The following DFFA variants were observed in gnomAD, a reference collection of about 807,000 sequenced individuals.
DFFA encodes DNA fragmentation factor subunit alpha.
Under a neutral mutation model 28.0 loss-of-function variants are expected in DFFA, and 14 were observed. The observed-to-expected ratio is 0.50, with a 90% CI of 0.33 to 0.78. The LOEUF (loss-of-function observed/expected upper bound fraction) is 0.78, where lower values mean the gene tolerates loss of function less well. DFFA is among the 30% of genes least tolerant of loss of function. The pLI is 0.02. For missense variants in DFFA, 395 were observed against 407.1 expected (o/e 0.97, Z 0.26); for synonymous variants, 158 against 170.3 (o/e 0.93, Z 0.56).
intron 4 of DFFA, 63 bp downstream of exon 4, chr1:10,463,368 T>C: frequency 6.4e-7 from 1 of 1,561,864 alleles, no homozygotes; most frequent in Non-Finnish European, 8.7e-7. Context: ...AATAGTGTCC[T>C]CCCAAGGGAC....
chr1:10,469,161 G>A lies in DFFA; in HGVS notation c.298+16C>T, dbSNP rs1244799125. On this transcript the variant is annotated intron_variant, in intron 2 of 5. Transcript: ENST00000377038. ...GTACTGCATAGGCCGTTTTATACATGGCTAGAGTTTCTTACCTGAATTGTT... is the reference window on the plus strand; with the variant it reads ...GTACTGCATAGGCCGTTTTATACATAGCTAGAGTTTCTTACCTGAATTGTT... 6.2e-7 allele frequency: 1 copy of A among 1,613,424 alleles called. No homozygotes were observed. The highest frequency in any genetic ancestry group is 8.5e-7 in the Non-Finnish European group (1 of 1,179,626).
rs751053547 is a variant in DFFA, at chr1:10,469,229, A to G, written c.246T>C (p.Asn82=). The G allele has an allele frequency of 2.5e-6, 4 of 1,614,186 alleles. No homozygotes were observed. Among genetic ancestry groups the G allele is most frequent in the African/African-American group, 1.3e-5 (1 of 75,050 alleles). The change falls in exon 2 of 6, where the codon AAT becomes AAC. Residue 82 remains asparagine (N), a synonymous_variant. Coordinates refer to ENST00000377038, the MANE Select transcript of DFFA (RefSeq NM_004401.3). Reference sequence around the variant, plus strand: ...TACTAGCCAATGCCACAAACTTAGTATTGGAAGGTAGACACAGAAAGTAAT... The same window carrying G: ...TACTAGCCAATGCCACAAACTTAGTGTTGGAAGGTAGACACAGAAAGTAAT... ...DDDYFLCLPS[N]TKFVALASNE...
At position 10,461,054 on chromosome 1, in the gene DFFA, G is replaced by T. The variant is rs189424960; in HGVS notation, c.*436C>A. On this transcript the variant is annotated 3_prime_UTR_variant, in exon 6 of 6. Coordinates refer to ENST00000377038, the MANE Select transcript of DFFA (RefSeq NM_004401.3). ...CTCCCAAGTAGCTGGGATTACAGGC[G>T]CCCGCCACCATGGCTGGCTAATTTT... The T allele has an allele frequency of 0.011, 1,788 of 156,514 alleles. 30 individuals carry two copies. Among genetic ancestry groups the T allele is most frequent in the African/African-American group, 0.04 (1,664 of 41,374 alleles). The allele number at this position is 156,514 out of a possible 1,614,324, so 9.7% of individuals were successfully genotyped here. A position where few individuals can be genotyped will look rare whatever the true frequency, so the allele number is the denominator to read the frequency against.
rs1376144524 is a variant in DFFA at position 10,459,297 on chromosome 1, C to G, written c.*2193G>C. 6.6e-6 allele frequency: 1 copy of G among 152,178 alleles called. No homozygotes were observed. The highest frequency in any genetic ancestry group is 1.5e-5 in the Non-Finnish European group (1 of 68,040). 9.4% of individuals were successfully genotyped at this position (152,178 alleles called of 1,614,324 possible). On this transcript the variant is annotated 3_prime_UTR_variant, in exon 6 of 6. Coordinates refer to ENST00000377038, the MANE Select transcript of DFFA (RefSeq NM_004401.3). ...CTGCAAGGAGTGTACTGTAGATTAC[C>G]AAACCTGCAGAAGCCGTCTGTGTGG...
chr1:10,471,995 G>A (rs1423127680), intron 1 of DFFA, among the ~76,000 whole-genome samples: 2 of 152,148 alleles, frequency 1.3e-5, no homozygotes, highest in African/African-American at 4.8e-5. Flanking sequence ...TGTACCATCT[G>A]AGTGTGGCGG....
chr1:10,467,474 G>T, intron 2 of DFFA, 142 bp from the exon 3 acceptor site: 2 of 905,760 alleles, frequency 2.2e-6, no homozygotes, highest in Non-Finnish European at 3.5e-6. Flanking sequence ...TCACAGGAGG[G>T]TCAATATCCA....
At chr1:10,463,339 T>C (rs1640976578) in intron 4 of DFFA, 92 bp downstream of exon 4, 4 of 1,538,396 alleles carry the variant, frequency 2.6e-6, no homozygotes, top group Middle Eastern at 2.3e-4. Context: ...GCGGCTTCAG[T>C]GGCCCTGGCT....
Position 10,469,237 on chromosome 1 carries a change from G to A in DFFA, c.238C>T (p.Pro80Ser). 6.2e-7 allele frequency: 1 copy of A among 1,614,198 alleles called. No individual in the cohort carries two copies. The highest frequency in any genetic ancestry group is 1.7e-5 in the Admixed American group (1 of 60,020). ...VDDDDYFLCL[P>S]SNTKFVALAS... ...AATGCCACAAACTTAGTATTGGAAG[G>A]TAGACACAGAAAGTAATCGTCATCA... Residue 80 changes from proline to serine, a missense_variant, in exon 2 of 6, where the codon CCT becomes TCT. Coordinates refer to ENST00000377038, the MANE Select transcript of DFFA (RefSeq NM_004401.3).
rs1326083532 is a variant in DFFA at position 10,461,682 on chromosome 1, G to T, written c.804C>A (p.Pro268=). The change falls in exon 6 of 6, where the codon CCC becomes CCA. Residue 268 remains proline, a synonymous_variant. Transcript: ENST00000377038. The part of the protein sequence containing the change: ...QDLELVTKED[P]KALAVALNWD... ...AGTTCAAGGCAACAGCCAGTGCTTT[G>T]GGGTCTTCCTTGGTAACCAACTGCA... is the stretch of plus-strand genomic sequence containing the variant. The T allele has an allele frequency of 6.2e-7, 1 of 1,614,200 alleles. No homozygotes were observed. The highest frequency in any genetic ancestry group is 2.2e-5 in the East Asian group (1 of 44,892).
chr1:10,462,147 C>G (rs192788301), intron 5 of DFFA, among the ~76,000 whole-genome samples: 1 of 152,022 alleles, frequency 6.6e-6, no homozygotes, highest in Non-Finnish European at 1.5e-5. Context: ...CGTGAGCCAC[C>G]GCGCCCAGCC....
intron 1 of DFFA, among the ~76,000 whole-genome samples, chr1:10,469,963 C>T (rs887617181): frequency 6.6e-6 from 1 of 151,606 alleles, no homozygotes; most frequent in Non-Finnish European, 1.5e-5. Flanking sequence ...CTACAGGCAC[C>T]GGCCACCGTG....
intron 2 of DFFA, among the ~76,000 whole-genome samples, chr1:10,468,314 A>C (rs1030638156): frequency 3.3e-5 from 5 of 151,620 alleles, no homozygotes; most frequent in Non-Finnish European, 5.9e-5. Flanking sequence ...GTGGTTCTCA[A>C]GTGGGAGCAA....
chr1:10,466,594 T>G (rs1384914412), intron 3 of DFFA, among the ~76,000 whole-genome samples: 1 of 152,048 alleles, frequency 6.6e-6, no homozygotes, highest in Non-Finnish European at 1.5e-5. Flanking sequence ...CAACGCTACA[T>G]TCTCTAGCAG....
chr1:10,462,591 A>G, intron 5 of DFFA: 1 of 1,003,104 alleles, frequency 1.0e-6, no homozygotes, highest in South Asian at 4.3e-5. Context: ...TGACAGGGAC[A>G]AGGACAATGA....
intron 3 of DFFA, among the ~76,000 whole-genome samples, chr1:10,465,600 C>G (rs1423793631): frequency 1.3e-5 from 2 of 152,006 alleles, no homozygotes; most frequent in Non-Finnish European, 2.9e-5. Flanking sequence ...ACCATGTTTG[C>G]CAGGATGGTC....
At position 10,463,463 on chromosome 1, in the gene DFFA, T is replaced by C. The variant is rs181824449; in HGVS notation, c.599A>G (p.Glu200Gly). Residue 200 changes from glutamate (E) to glycine (G), a missense_variant, in exon 4 of 6, where the codon GAG becomes GGG. Physicochemically the swap from Glu to Gly is moderately conservative, Grantham distance 98 (BLOSUM62 -2). Coordinates refer to ENST00000377038, the MANE Select transcript of DFFA (RefSeq NM_004401.3). ...QLLQLYLQAL[E>G]KEGSLLSKQE... is the part of the protein sequence containing the mutation. ...CTTTGACAAGAGGCTGCCCTCTTTC[T>C]CCAAAGCCTGGAGGTACAGCTGCAG... The C allele has an allele frequency of 1.2e-5, 19 of 1,613,822 alleles. No homozygotes were observed. The Admixed American group carries it at 2.3e-4, about 20-fold the overall frequency.
In DFFA at chr1:10,461,296, G is replaced by A. The variant is rs1013464196; in HGVS notation, c.*194C>T. 4 of 726,778 alleles carry A rather than the reference G, an allele frequency of 5.5e-6. No individual in the cohort carries two copies. Among genetic ancestry groups the A allele is most frequent in the Non-Finnish European group, 8.7e-6 (4 of 459,020 alleles). 45.0% of individuals were successfully genotyped at this position (726,778 alleles called of 1,614,324 possible). A position where few individuals can be genotyped will look rare whatever the true frequency, so the allele number is the denominator to read the frequency against. ...TGGTGCAGCTATATCATTCAAAATTGGCAGAAGTCCTGAAGCTGGTGGGGC... is the reference window on the plus strand; with the variant it reads ...TGGTGCAGCTATATCATTCAAAATTAGCAGAAGTCCTGAAGCTGGTGGGGC... On this transcript the variant is annotated 3_prime_UTR_variant, in exon 6 of 6. Transcript: ENST00000377038.
Position 10,463,082 on chromosome 1 carries a change from C to G in DFFA, c.759G>C (p.Leu253=). The change falls in exon 5 of 6, where the codon CTG becomes CTC. Residue 253 remains leucine (L), a synonymous_variant. Transcript: ENST00000377038. ...TALREKQAPE[L]SLSSQDLELV... Reference sequence around the variant, plus strand: ...CCTCCAAATCCTGACTAGATAAGCTCAGCTCTGGAGCCTGCTTCTCCCTCA... The same window carrying G: ...CCTCCAAATCCTGACTAGATAAGCTGAGCTCTGGAGCCTGCTTCTCCCTCA... 6.2e-7 allele frequency: 1 copy of G among 1,614,198 alleles called. No homozygotes were observed. Among genetic ancestry groups the G allele is most frequent in the Middle Eastern group, 1.6e-4 (1 of 6,062 alleles).
chr1:10,470,599 G>T (rs2124349477), intron 1 of DFFA, among the ~76,000 whole-genome samples: 1 of 149,826 alleles, frequency 6.7e-6, no homozygotes, highest in South Asian at 2.1e-4. Context: ...TAATTTTTTT[G>T]TATTTTTAGT....
Sources: gnomAD v4.1 joint callset for allele counts (sites outside exome capture counted in the v4.1 genomes callset) on GRCh38, gnomAD v4.1.1 for gene constraint, MANE v1.5 for transcripts, NCBI Gene and HGNC (gene_info 2026-07-23, HGNC 2026-07-21) for gene names.